The following SH3GLB2 variants were observed in gnomAD, a reference collection of about 807,000 sequenced individuals.
The protein encoded by SH3GLB2 is SH3 domain containing GRB2 like, endophilin B2, also known as endophilin-B2.
Under a neutral mutation model 48.0 loss-of-function variants are expected in SH3GLB2, and 24 were observed. The ratio of observed to expected loss-of-function variants is 0.50; its 90% CI spans 0.36 to 0.70. The LOEUF (loss-of-function observed/expected upper bound fraction) is 0.70. Ranked by LOEUF, SH3GLB2 falls within the 30% of genes least tolerant of loss-of-function variation. SH3GLB2 has a pLI of 0.00. For missense variants in SH3GLB2, 425 were observed against 516.0 expected, an observed-to-expected ratio of 0.82 and a Z score of 1.71; for synonymous variants, 227 against 207.6, an observed-to-expected ratio of 1.09 and a Z score of -0.80.
rs1168504848 is a variant in SH3GLB2, at chr9:129,008,600, G to A, written c.*84C>T. 1 of 1,041,228 alleles carries A rather than the reference G, an allele frequency of 9.6e-7. No individual in the cohort carries two copies. The highest frequency in any genetic ancestry group is 1.6e-5 in the African/African-American group (1 of 64,258). The allele number at this position is 1,041,228 out of a possible 1,614,324, so 64.5% of individuals were successfully genotyped here. On this transcript the variant is annotated 3_prime_UTR_variant, in exon 11 of 11. Coordinates refer to ENST00000372564, the MANE Select transcript of SH3GLB2 (RefSeq NM_020145.4). ...AATTCTCCCCACTCTGAACAACTGT[G>A]TCACCAACAAACAAGTTAAGTGGCA...
chr9:129,012,344 A>G (rs373557709), intron 5 of SH3GLB2, 46 bp from the exon 6 acceptor site: 59 of 1,215,828 alleles, frequency 4.9e-5, no homozygotes, highest in Non-Finnish European at 5.8e-5. Flanking sequence ...ACCCTGGGCC[A>G]GGGCCAGGGT....
rs779122765 is a variant in SH3GLB2, at chr9:129,012,267, C to T, written c.593G>A (p.Arg198His). The T allele has an allele frequency of 1.8e-5, 24 of 1,301,014 alleles. No homozygotes were observed. The African/African-American group carries it at 2.0e-4, about 11-fold the overall frequency. The allele number at this position is 1,301,014 out of a possible 1,614,324, so 80.6% of individuals were successfully genotyped here. The change falls in exon 6 of 11, where the codon CGT becomes CAT. Residue 198 changes from arginine (R) to histidine (H), a missense_variant. Arg to His is a conservative substitution (Grantham distance 29). Coordinates refer to ENST00000372564, the MANE Select transcript of SH3GLB2 (RefSeq NM_020145.4). ...GGCGCTGGCCGAGAGAATGTAATTA[C>T]GAGGTCTAGTCTCCTGAAAGTCAGG... is the stretch of plus-strand genomic sequence containing the variant. ...TVPDFQETRPRNYILSASASA... is the reference protein window; with the variant it reads ...TVPDFQETRPHNYILSASASA...
Position 129,007,066 on chromosome 9 carries a change from T to G in SH3GLB2, c.*1618A>C. The G allele has an allele frequency of 5.9e-6, 1 of 168,974 alleles. No homozygotes were observed. Among genetic ancestry groups the G allele is most frequent in the Non-Finnish European group, 1.3e-5 (1 of 79,736 alleles). The allele number at this position is 168,974 out of a possible 1,614,324, so 10.5% of individuals were successfully genotyped here. A position where few individuals can be genotyped will look rare whatever the true frequency, so the allele number is the denominator to read the frequency against. ...AGTTTTGGTAATTCTGTGGTCTATT[T>G]ATACAGATATTAAAATCTTGTTTAT... On this transcript the variant is annotated 3_prime_UTR_variant, in exon 11 of 11. Transcript: ENST00000372564.
chr9:129,024,289 C>T (rs548876931), intron 1 of SH3GLB2, among the ~76,000 whole-genome samples: 16 of 149,298 alleles, frequency 1.1e-4, no homozygotes, highest in African/African-American at 2.5e-4. Context: ...AAGCCCGGCA[C>T]GGTGGCTTAT....
chr9:129,016,489 C>G (rs1843432859), intron 3 of SH3GLB2, among the ~76,000 whole-genome samples: 1 of 151,262 alleles, frequency 6.6e-6, no homozygotes, highest in Admixed American at 6.6e-5. Flanking sequence ...TGAAACCTGT[C>G]TCTACTAAAA....
At chr9:129,012,326 AG>A in intron 5 of SH3GLB2, 28 bp from the exon 6 acceptor site, 1 of 1,275,638 alleles carries the variant, frequency 7.8e-7, no homozygotes, top group Non-Finnish European at 1.0e-6. Context: ...TCATGTGGGG[AG>A]GGGGTCACCC....
In SH3GLB2 at chr9:129,021,217, C is replaced by T; in HGVS notation, c.208G>A (p.Ala70Thr). 1 of 1,604,912 alleles carries T rather than the reference C, an allele frequency of 6.2e-7. No homozygotes were observed. The highest frequency in any genetic ancestry group is 8.5e-7 in the Non-Finnish European group (1 of 1,176,766). The change falls in exon 3 of 11, where the codon GCC becomes ACC. Residue 70 changes from alanine to threonine, a missense_variant and splice_region_variant. Coordinates refer to ENST00000372564, the MANE Select transcript of SH3GLB2 (RefSeq NM_020145.4). ...TEVLLQPNPSARVEEFLYEKL... is the reference protein window; with the variant it reads ...TEVLLQPNPSTRVEEFLYEKL... ...TCATACAGGAACTCCTCCACTCGGGCACCTGTGGGGAGACAGCAGCCAAAG... is the reference window on the plus strand; with the variant it reads ...TCATACAGGAACTCCTCCACTCGGGTACCTGTGGGGAGACAGCAGCCAAAG...
chr9:129,028,012 T>C (rs2131315366), intron 1 of SH3GLB2, 80 bp downstream of exon 1: 1 of 1,351,228 alleles, frequency 7.4e-7, no homozygotes, highest in Admixed American at 2.8e-5. Context: ...CTTTCCCGCG[T>C]CCCCAGGCGT....
intron 1 of SH3GLB2, 85 bp from the exon 2 acceptor site, chr9:129,022,508 C>T (rs991716608): frequency 5.4e-6 from 7 of 1,291,158 alleles, no homozygotes; most frequent in Admixed American, 2.0e-5. Context: ...AGGACTGCCC[C>T]TCCCCACCAG....
chr9:129,022,541 G>C (rs996088374), intron 1 of SH3GLB2, 118 bp from the exon 2 acceptor site: 12 of 887,102 alleles, frequency 1.4e-5, no homozygotes, highest in Admixed American at 6.9e-5. Context: ...CAGGCCCCAG[G>C]GTCAAGGAAC....
chr9:129,012,573 G>C (rs1316706423), intron 5 of SH3GLB2: 1 of 422,016 alleles, frequency 2.4e-6, no homozygotes, highest in East Asian at 3.5e-5. Flanking sequence ...GAGGCTGCCT[G>C]AGCAAGTCAC....
chr9:129,017,945 C>A (rs1445861398), intron 3 of SH3GLB2, among the ~76,000 whole-genome samples: 1 of 145,100 alleles, frequency 6.9e-6, no homozygotes, highest in African/African-American at 2.6e-5. Flanking sequence ...ATTATAGGTG[C>A]GTGATGGTGC....
chr9:129,009,816 G>A lies in SH3GLB2; in HGVS notation c.794C>T (p.Ala265Val). The A allele has an allele frequency of 6.2e-7, 1 of 1,614,050 alleles. No homozygotes were observed. The highest frequency in any genetic ancestry group is 8.5e-7 in the Non-Finnish European group (1 of 1,179,974). ...EFVKSQTTYY[A>V]QCYRHMLDLQ... is the part of the protein sequence containing the mutation. ...GTCCAGCATGTGGCGGTAGCACTGT[G>A]CGTAGTAGGTTGTCTGAGACTTGAC... Residue 265 changes from alanine to valine, a missense_variant, in exon 9 of 11, where the codon GCA (alanine) becomes GTA (valine). Ala to Val is a moderately conservative substitution (Grantham distance 64). Coordinates refer to ENST00000372564, the MANE Select transcript of SH3GLB2 (RefSeq NM_020145.4).
chr9:129,012,657 C>T lies in SH3GLB2; in HGVS notation c.562-359G>A, dbSNP rs17481379. 4.9e-3 allele frequency: 2,285 copies of T among 468,380 alleles called. 72 individuals carry two copies. In the East Asian group the frequency reaches 0.054, roughly 11 times the overall value. The allele number at this position is 468,380 out of a possible 1,614,324, so 29.0% of individuals were successfully genotyped here. A position where few individuals can be genotyped will look rare whatever the true frequency, so the allele number is the denominator to read the frequency against. On this transcript the variant is annotated intron_variant, in intron 5 of 10. Coordinates refer to ENST00000372564, the MANE Select transcript of SH3GLB2 (RefSeq NM_020145.4). Reference sequence around the variant, plus strand: ...CAGTGGCACTCAGATGCCCCAGGGTCCCGCAAACACAGCCCACCCCCAACT... The same window carrying T: ...CAGTGGCACTCAGATGCCCCAGGGTTCCGCAAACACAGCCCACCCCCAACT...
chr9:129,025,101 C>A (rs945200257), intron 1 of SH3GLB2, among the ~76,000 whole-genome samples: 34 of 149,938 alleles, frequency 2.3e-4, no homozygotes, highest in Non-Finnish European at 3.0e-4. Context: ...CATAGTAAAA[C>A]CCCATCTCTA....
intron 1 of SH3GLB2, 107 bp downstream of exon 1, chr9:129,027,985 G>C (rs1008691092): frequency 1.9e-6 from 2 of 1,065,444 alleles, no homozygotes; most frequent in African/African-American, 3.4e-5. Flanking sequence ...GGGGACGAGG[G>C]CAGCAGCCCG....
intron 1 of SH3GLB2, among the ~76,000 whole-genome samples, chr9:129,024,546 G>T (rs144457451): frequency 6.9e-6 from 1 of 143,938 alleles, no homozygotes; most frequent in Admixed American, 7.0e-5. Context: ...CACAGAGTGC[G>T]ACTCAGTCTC....
intron 1 of SH3GLB2, among the ~76,000 whole-genome samples, chr9:129,025,122 A>G (rs140511881): frequency 0.035 from 5,217 of 149,492 alleles, 207 homozygotes; most frequent in African/African-American, 0.094. Context: ...CTAAAAATAC[A>G]AGAATTAGCA....
At chr9:129,023,848 T>C (rs2131298608) in intron 1 of SH3GLB2, among the ~76,000 whole-genome samples, 1 of 152,272 alleles carries the variant, frequency 6.6e-6, no homozygotes, top group South Asian at 2.1e-4. Flanking sequence ...TGGCTGGCTC[T>C]GCCTCCTCTT....
Sources: allele counts gnomAD v4.1 joint callset (sites outside exome capture counted in the v4.1 genomes callset), GRCh38; gene constraint gnomAD v4.1.1; transcripts MANE v1.5; gene names NCBI Gene and HGNC (gene_info 2026-07-23, HGNC 2026-07-21).